FAM13A: variants seen among roughly 807,000 people sequenced by gnomAD.
FAM13A encodes protein FAM13A.
In FAM13A, 76 loss-of-function variants were observed where a neutral mutation model predicts 129.6. The ratio of observed to expected loss-of-function variants is 0.59; its 90% CI spans 0.49 to 0.71. The LOEUF (loss-of-function observed/expected upper bound fraction) is 0.71, where lower values mean the gene tolerates loss of function less well. Among genes scored for constraint, FAM13A ranks in the 30% least tolerant of loss-of-function variants. FAM13A has a pLI of 0.00. For missense variants in FAM13A, 1,108 were observed against 1,249.3 expected (o/e 0.89, Z 1.70); for synonymous variants, 443 against 449.9 (o/e 0.98, Z 0.20).
chr4:89,054,332 A>G (rs915081411), intron 1 of FAM13A, among the ~76,000 whole-genome samples: 1 of 151,886 alleles, frequency 6.6e-6, no homozygotes, highest in Admixed American at 6.6e-5. Flanking sequence ...CGTACTACAG[A>G]TATCTAGTAC....
chr4:88,765,290 A>G (rs1174660933), intron 13 of FAM13A, among the ~76,000 whole-genome samples: 1 of 152,218 alleles, frequency 6.6e-6, no homozygotes, highest in Non-Finnish European at 1.5e-5. Flanking sequence ...AGAATTTTAA[A>G]TGAAAATATC....
intron 4 of FAM13A, among the ~76,000 whole-genome samples, chr4:88,968,307 G>C (rs569714538): frequency 6.6e-6 from 1 of 152,254 alleles, no homozygotes; most frequent in East Asian, 1.9e-4. Flanking sequence ...ACCTTCTAAA[G>C]TTTCAACTTT....
chr4:88,749,556 C>T (rs1019020625), intron 16 of FAM13A, among the ~76,000 whole-genome samples: 1 of 151,962 alleles, frequency 6.6e-6, no homozygotes, highest in Non-Finnish European at 1.5e-5. Flanking sequence ...CTTAAGCTTT[C>T]ATTTTTTTTT....
intron 6 of FAM13A, among the ~76,000 whole-genome samples, chr4:88,893,993 G>A (rs1745867000): frequency 6.6e-6 from 1 of 152,162 alleles, no homozygotes; most frequent in Non-Finnish European, 1.5e-5. Context: ...AGAAATTAGT[G>A]CAATCCAAAT....
In FAM13A at chr4:88,730,592, A is replaced by T. The variant is rs149086534; in HGVS notation, c.2945+735T>A. Among the ~76,000 whole-genome samples the T allele has an allele frequency of 4.3e-3, 651 of 152,174 alleles. 9 individuals carry two copies. The highest frequency in any genetic ancestry group is 0.015 in the African/African-American group (619 of 41,506). ...TTTTTAGTAGAGATGGGGTTTCACC[A>T]TGTTGGTCAGGCTGGTCTTGAACTC... On this transcript the variant is annotated intron_variant, in intron 23 of 23. Coordinates refer to ENST00000264344, the MANE Select transcript of FAM13A (RefSeq NM_014883.4).
At chr4:88,829,200 T>C (rs1256477046) in intron 7 of FAM13A, among the ~76,000 whole-genome samples, 1 of 152,212 alleles carries the variant, frequency 6.6e-6, no homozygotes, top group Non-Finnish European at 1.5e-5. Flanking sequence ...TATAATGATA[T>C]ATTAAAATAA....
chr4:89,005,642 C>T (rs1764897940), intron 3 of FAM13A, among the ~76,000 whole-genome samples: 1 of 152,048 alleles, frequency 6.6e-6, no homozygotes, highest in East Asian at 1.9e-4. Flanking sequence ...ATTGTGGTTC[C>T]AATTTGTATT....
intron 6 of FAM13A, among the ~76,000 whole-genome samples, chr4:88,861,306 G>A (rs940454267): frequency 1.3e-5 from 2 of 150,822 alleles, no homozygotes; most frequent in African/African-American, 4.9e-5. Flanking sequence ...GCTTGAATCC[G>A]GGAGGCAAAG....
At chr4:88,949,635 G>T (rs1352151297) in intron 4 of FAM13A, among the ~76,000 whole-genome samples, 1 of 152,068 alleles carries the variant, frequency 6.6e-6, no homozygotes, top group Admixed American at 6.5e-5. Flanking sequence ...TTTTTCAAAA[G>T]ATAACATTCA....
chr4:88,926,516 T>G lies in FAM13A; in HGVS notation c.759+11572A>C, dbSNP rs1296595504. Among the ~76,000 whole-genome samples the G allele has an allele frequency of 2.0e-5, 3 of 152,192 alleles. No individual in the cohort carries two copies. In the South Asian group the frequency reaches 6.2e-4, roughly 32 times the overall value. On this transcript the variant is annotated intron_variant, in intron 5 of 23. Coordinates refer to ENST00000264344, the MANE Select transcript of FAM13A (RefSeq NM_014883.4). ...GATACATAGCATAATGGCGTCTTCATAAGCAAAAGCAATTTAGTCTGTCTT... is the reference window on the plus strand; with the variant it reads ...GATACATAGCATAATGGCGTCTTCAGAAGCAAAAGCAATTTAGTCTGTCTT...
At chr4:88,939,552 T>C in intron 4 of FAM13A, among the ~76,000 whole-genome samples, 1 of 152,162 alleles carries the variant, frequency 6.6e-6, no homozygotes, top group Non-Finnish European at 1.5e-5. Context: ...TATGATATCT[T>C]TAGGAGATAC....
intron 6 of FAM13A, among the ~76,000 whole-genome samples, chr4:88,905,920 A>C (rs6813090): frequency 0.74 from 112,781 of 152,074 alleles, 42,132 homozygotes; most frequent in Non-Finnish European, 0.79. Flanking sequence ...TACTTCCCTG[A>C]AAAAACAAAC....
intron 5 of FAM13A, among the ~76,000 whole-genome samples, chr4:88,907,415 T>C (rs1179172059): frequency 1.3e-5 from 2 of 152,200 alleles, no homozygotes; most frequent in African/African-American, 4.8e-5. Flanking sequence ...TTAAACATAA[T>C]TTTAGTCTGC....
intron 10 of FAM13A, among the ~76,000 whole-genome samples, chr4:88,784,585 CTATT>C (rs1481890113): frequency 2.0e-5 from 3 of 152,128 alleles, no homozygotes; most frequent in Non-Finnish European, 4.4e-5. Context: ...CAATGCTGAA[CTATT>C]TATTATTCCC....
chr4:88,773,150 T>C lies in FAM13A; in HGVS notation c.1459-5091A>G, dbSNP rs78347410. On this transcript the variant is annotated intron_variant, in intron 11 of 23. Coordinates refer to ENST00000264344, the MANE Select transcript of FAM13A (RefSeq NM_014883.4). ...ATCCCCTATCACTGACTCAAGAACA[T>C]TGCTCCTGCAATGGATTCTCTTGCA... 8.3e-3 allele frequency among the ~76,000 whole-genome samples: 1,271 copies of C among 152,308 alleles called. 10 individuals carry two copies. The highest frequency in any genetic ancestry group is 0.029 in the African/African-American group (1,208 of 41,570).
At chr4:88,818,246 C>A (rs867339620) in intron 7 of FAM13A, among the ~76,000 whole-genome samples, 14 of 152,128 alleles carry the variant, frequency 9.2e-5, no homozygotes, top group Non-Finnish European at 1.8e-4. Context: ...AGTGATCCCC[C>A]CCGGACTTGG....
chr4:88,893,642 G>A (rs11932135), intron 6 of FAM13A, among the ~76,000 whole-genome samples: 13,415 of 125,764 alleles, frequency 0.11, 883 homozygotes, highest in Non-Finnish European at 0.14. Flanking sequence ...ATGAATGAAT[G>A]AATAAATAAA....
intron 19 of FAM13A, among the ~76,000 whole-genome samples, chr4:88,745,932 G>C (rs559087628): frequency 6.6e-6 from 1 of 151,554 alleles, no homozygotes. Flanking sequence ...GATAGTTATT[G>C]GGCCTGTGTC....
At chr4:89,004,772 G>A (rs1209745307) in intron 3 of FAM13A, among the ~76,000 whole-genome samples, 1 of 152,136 alleles carries the variant, frequency 6.6e-6, no homozygotes, top group African/African-American at 2.4e-5. Flanking sequence ...CTGAGGATGA[G>A]TTGGGACATA....
Sources: allele counts gnomAD v4.1 joint callset (sites outside exome capture counted in the v4.1 genomes callset), GRCh38; gene constraint gnomAD v4.1.1; transcripts MANE v1.5; gene names NCBI Gene and HGNC (gene_info 2026-07-23, HGNC 2026-07-21).